Variants in TTC23 observed in about 807,000 individuals in gnomAD.
TTC23 encodes tetratricopeptide repeat domain 23, also known as tetratricopeptide repeat protein 23.
In TTC23, 58 loss-of-function variants were observed where a neutral mutation model predicts 55.1. That is an observed-to-expected ratio of 1.05 (90% CI 0.85 to 1.31). The LOEUF is 1.31. Among genes scored for constraint, TTC23 ranks in the 50% most tolerant of loss-of-function variants. The pLI is 0.00. For synonymous variants in TTC23, 203 were observed against 199.9 expected, an observed-to-expected ratio of 1.02 and a Z score of -0.13; for missense variants, 516 against 534.4, an observed-to-expected ratio of 0.97 and a Z score of 0.34.
intron 8 of TTC23, among the ~76,000 whole-genome samples, chr15:99,205,789 T>A (rs548164366): frequency 6.6e-6 from 1 of 152,142 alleles, no homozygotes; most frequent in Non-Finnish European, 1.5e-5. Context: ...CTAATTTAGA[T>A]GTCATTTATT....
chr15:99,218,911 G>A lies in TTC23; in HGVS notation c.442C>T (p.Leu148Phe). The change falls in exon 7 of 14, where the codon CTC (leucine) becomes TTC (phenylalanine). Residue 148 changes from leucine to phenylalanine, a missense_variant. By Grantham distance (22) the Leu-to-Phe change is conservative (BLOSUM62 0). Transcript: ENST00000394132. The part of the protein sequence containing the change: ...ELFHTMGRAL[L>F]SLQKFKEAAE... Reference sequence around the variant, plus strand: ...GCAAAAGGATACTTTTGAAGGGAGAGTAAAGCTCTGCCCATGGTATGGAAA... The same window carrying A: ...GCAAAAGGATACTTTTGAAGGGAGAATAAAGCTCTGCCCATGGTATGGAAA... 6.2e-7 allele frequency: 1 copy of A among 1,613,854 alleles called. No homozygotes were observed. The highest frequency in any genetic ancestry group is 8.5e-7 in the Non-Finnish European group (1 of 1,179,822).
chr15:99,171,795 C>CT (rs2072977633), intron 10 of TTC23, among the ~76,000 whole-genome samples: 1 of 151,920 alleles, frequency 6.6e-6, no homozygotes, highest in African/African-American at 2.4e-5. Flanking sequence ...TGGTCTCTAT[C>CT]TCTTGACCTC....
In TTC23 at chr15:99,139,384, T is replaced by C; in HGVS notation, c.1159A>G (p.Thr387Ala). 6.2e-7 allele frequency: 1 copy of C among 1,613,978 alleles called. No homozygotes were observed. The highest frequency in any genetic ancestry group is 1.1e-5 in the South Asian group (1 of 91,074). ...KKLKKCLQIQ[T>A]LLYGPQDKRT... is the part of the protein sequence containing the mutation. ...TTGTCCTGCGGTCCATATAAGAGGG[T>C]CTGGATCTGGAGACACTGTAGAACA... Residue 387 changes from threonine to alanine, a missense_variant, in exon 13 of 14, where the codon ACC becomes GCC. By Grantham distance (58) the Thr-to-Ala change is moderately conservative (BLOSUM62 0). Coordinates refer to ENST00000394132, the MANE Select transcript of TTC23 (RefSeq NM_001288615.3).
At chr15:99,179,872 G>A (rs2073952811) in intron 9 of TTC23, among the ~76,000 whole-genome samples, 1 of 152,194 alleles carries the variant, frequency 6.6e-6, no homozygotes, top group Admixed American at 6.5e-5. Flanking sequence ...GCTTCCTTAG[G>A]GAGTGAGTGC....
intron 10 of TTC23, among the ~76,000 whole-genome samples, chr15:99,169,291 G>A (rs565087669): frequency 6.6e-6 from 1 of 152,318 alleles, no homozygotes; most frequent in African/African-American, 2.4e-5. Context: ...GCCCAGGGCA[G>A]TGGGAAGTCT....
At chr15:99,182,244 T>TCA (rs1345527102) in intron 9 of TTC23, among the ~76,000 whole-genome samples, 65 of 102,320 alleles carry the variant, frequency 6.4e-4, no homozygotes, top group Admixed American at 1.5e-3. Flanking sequence ...TCTCTCTCTC[T>TCA]CTCTCACACA....
chr15:99,197,349 T>A (rs536221419), intron 9 of TTC23, among the ~76,000 whole-genome samples: 3 of 152,028 alleles, frequency 2.0e-5, no homozygotes, highest in African/African-American at 4.8e-5. Flanking sequence ...TGATCCACCC[T>A]CCTTGGCCTC....
intron 3 of TTC23, among the ~76,000 whole-genome samples, chr15:99,235,465 G>T (rs908409448): frequency 6.6e-6 from 1 of 151,580 alleles, no homozygotes; most frequent in East Asian, 1.9e-4. Context: ...CTGCCTCCTG[G>T]GTTCAAGCGA....
upstream of TTC23, chr15:99,249,646 T>G (rs572969909): frequency 2.6e-5 from 4 of 152,308 alleles, no homozygotes; most frequent in South Asian, 8.3e-4. Flanking sequence ...GAAGAGTATT[T>G]TGTCGAAGTT....
chr15:99,247,842 AAATTGGAATGTGGTGATGGTTGTG>A (rs1483074624), intron 1 of TTC23, among the ~76,000 whole-genome samples: 97 of 152,080 alleles, frequency 6.4e-4, no homozygotes, highest in African/African-American at 1.1e-3. Flanking sequence ...AAATTTTCTA[AAATTGGAATGTGGTGATGGTTGTG>A]ATTTTCTAAA....
In TTC23 at chr15:99,246,030, G is replaced by C. The variant is rs983277896; in HGVS notation, c.-430-520C>G. 2.6e-5 allele frequency among the ~76,000 whole-genome samples: 4 copies of C among 152,002 alleles called. No individual in the cohort carries two copies. In the East Asian group the frequency reaches 5.8e-4, roughly 22 times the overall value. ...TCACCCTGTTGGCCAGGCTGTTCTC[G>C]AGCTCCTGACCTGAGGTGATCCACC... On this transcript the variant is annotated intron_variant, in intron 1 of 13. Coordinates refer to ENST00000394132, the MANE Select transcript of TTC23 (RefSeq NM_001288615.3).
chr15:99,239,818 T>C (rs1281585955), intron 3 of TTC23, among the ~76,000 whole-genome samples: 2 of 152,208 alleles, frequency 1.3e-5, no homozygotes, highest in African/African-American at 4.8e-5. Flanking sequence ...CCAACTAATA[T>C]ATACATAACA....
intron 8 of TTC23, among the ~76,000 whole-genome samples, chr15:99,213,359 A>G (rs1166834343): frequency 1.3e-5 from 2 of 152,232 alleles, no homozygotes; most frequent in Non-Finnish European, 2.9e-5. Context: ...CTTGTTGGCT[A>G]TTCAGCCTAG....
At chr15:99,217,276 G>A (rs10162852) in intron 8 of TTC23, among the ~76,000 whole-genome samples, 1 of 151,694 alleles carries the variant, frequency 6.6e-6, no homozygotes, top group Non-Finnish European at 1.5e-5. Context: ...TCCTGCCTCA[G>A]CCTCCTGAGT....
chr15:99,207,519 G>A (rs891762246), intron 8 of TTC23, among the ~76,000 whole-genome samples: 4 of 152,174 alleles, frequency 2.6e-5, no homozygotes, highest in Non-Finnish European at 4.4e-5. Flanking sequence ...AGCACTTTGG[G>A]GAGGCCGAGG....
chr15:99,211,970 G>A (rs1206460473), intron 8 of TTC23, among the ~76,000 whole-genome samples: 1 of 152,188 alleles, frequency 6.6e-6, no homozygotes, highest in Admixed American at 6.5e-5. Context: ...TGGGATTACA[G>A]GCATGAGCCA....
At chr15:99,208,734 A>G (rs562201214) in intron 8 of TTC23, among the ~76,000 whole-genome samples, 1 of 152,234 alleles carries the variant, frequency 6.6e-6, no homozygotes, top group Admixed American at 6.5e-5. Context: ...TTAGTTTTAT[A>G]TTTAATAAAA....
chr15:99,203,704 CT>C lies in TTC23; in HGVS notation c.582-3609del, dbSNP rs202065357. 8.1e-5 allele frequency among the ~76,000 whole-genome samples: 12 copies of C among 148,918 alleles called. No homozygotes were observed. The East Asian group carries it at 2.0e-3, about 24-fold the overall frequency. On this transcript the variant is annotated intron_variant, in intron 8 of 13. Transcript: ENST00000394132. The stretch of plus-strand genomic sequence containing the variant: ...AGTTCAATTTTTCTTTTTTTTCTTT[CT>C]TTTTTTTTTAAATCTTTTTAGCTCC...
chr15:99,228,580 G>C lies in TTC23; in HGVS notation c.133C>G (p.Leu45Val), dbSNP rs1337429727. Reference sequence around the variant, plus strand: ...TTTGCTTTCTCTTCACAGAGGTGGAGTTTCTCTCGAGGAGGCTGGAATAGT... The same window carrying C: ...TTTGCTTTCTCTTCACAGAGGTGGACTTTCTCTCGAGGAGGCTGGAATAGT... Reference protein sequence around the residue: ...TALFQPPREKLHLCEEKAKSY... With the variant: ...TALFQPPREKVHLCEEKAKSY... Residue 45 changes from leucine to valine, a missense_variant, in exon 5 of 14, where the codon CTC (leucine) becomes GTC (valine). Physicochemically the swap from Leu to Val is conservative, Grantham distance 32. Transcript: ENST00000394132. 2 of 1,613,884 alleles carry C rather than the reference G, an allele frequency of 1.2e-6. No individual in the cohort carries two copies. Among genetic ancestry groups the C allele is most frequent in the African/African-American group, 2.7e-5 (2 of 75,058 alleles).
Sources: allele counts gnomAD v4.1 joint callset (sites outside exome capture counted in the v4.1 genomes callset), GRCh38; gene constraint gnomAD v4.1.1; transcripts MANE v1.5; gene names NCBI Gene and HGNC (gene_info 2026-07-23, HGNC 2026-07-21).